NKAIN2: variants seen among roughly 807,000 people sequenced by gnomAD.
NKAIN2 encodes sodium/potassium-transporting ATPase subunit beta-1-interacting protein 2.
Under a neutral mutation model 32.6 loss-of-function variants are expected in NKAIN2, and 14 were observed. The ratio of observed to expected loss-of-function variants is 0.43; its 90% CI spans 0.28 to 0.67. The LOEUF (loss-of-function observed/expected upper bound fraction) is 0.67, where lower values mean the gene tolerates loss of function less well. NKAIN2 is among the 30% of genes least tolerant of loss of function. NKAIN2 has a pLI of 0.17. For synonymous variants in NKAIN2, 80 were observed against 87.2 expected (o/e 0.92, Z 0.46); for missense variants, 198 against 258.3 (o/e 0.77, Z 1.60).
chr6:124,329,716 C>T (rs1797574830), intron 2 of NKAIN2, among the ~76,000 whole-genome samples: 1 of 152,160 alleles, frequency 6.6e-6, no homozygotes, highest in Admixed American at 6.5e-5. Flanking sequence ...AAGTTAGCAC[C>T]TCATCTGCAT....
chr6:124,168,916 C>T (rs1049522494), intron 1 of NKAIN2, among the ~76,000 whole-genome samples: 6 of 152,074 alleles, frequency 3.9e-5, no homozygotes, highest in Non-Finnish European at 8.8e-5. Flanking sequence ...TTCATTTTAA[C>T]AATCGGAATA....
rs1019250444 is a variant in NKAIN2, at chr6:123,977,710, T to G, written c.54+173456T>G. On this transcript the variant is annotated intron_variant, in intron 1 of 6. Transcript: ENST00000368417. ...CTGAACATGTTTGCACTTCAGACAT[T>G]CTTGGGCAGTCAGAACAGGACTAAT... Among the ~76,000 whole-genome samples the G allele has an allele frequency of 2.0e-5, 3 of 152,192 alleles. No homozygotes were observed. The East Asian group carries it at 5.8e-4, about 29-fold the overall frequency.
At chr6:124,644,805 A>G (rs1784112035) in intron 3 of NKAIN2, among the ~76,000 whole-genome samples, 2 of 152,220 alleles carry the variant, frequency 1.3e-5, no homozygotes, top group African/African-American at 4.8e-5. Context: ...CAGGAATTAA[A>G]TAACCTGCTG....
At chr6:124,047,064 G>C (rs892147198) in intron 1 of NKAIN2, among the ~76,000 whole-genome samples, 2 of 151,928 alleles carry the variant, frequency 1.3e-5, no homozygotes, top group Non-Finnish European at 2.9e-5. Flanking sequence ...TAGGTTTGGG[G>C]CAAAAGGTCA....
At chr6:123,816,727 A>T (rs1221933533) in intron 1 of NKAIN2, among the ~76,000 whole-genome samples, 2 of 152,130 alleles carry the variant, frequency 1.3e-5, no homozygotes, top group African/African-American at 4.8e-5. Flanking sequence ...TTTGAGAATA[A>T]GGAGGTGGGT....
At chr6:124,774,465 T>C (rs146918026) in intron 4 of NKAIN2, among the ~76,000 whole-genome samples, 7 of 152,190 alleles carry the variant, frequency 4.6e-5, no homozygotes, top group African/African-American at 7.2e-5. Flanking sequence ...TAGAGCAGGA[T>C]TGTAGTTTGC....
intron 3 of NKAIN2, among the ~76,000 whole-genome samples, chr6:124,631,001 A>G (rs946763275): frequency 2.6e-5 from 4 of 152,220 alleles, no homozygotes; most frequent in Admixed American, 1.3e-4. Context: ...CTAGCTTTTT[A>G]AAATTTTCTA....
At chr6:124,710,131 T>C (rs1775360429) in intron 4 of NKAIN2, among the ~76,000 whole-genome samples, 1 of 151,452 alleles carries the variant, frequency 6.6e-6, no homozygotes, top group Non-Finnish European at 1.5e-5. Context: ...TTCCATGTAG[T>C]TGAGCGGTTT....
chr6:124,104,217 A>C (rs1000780499), intron 1 of NKAIN2, among the ~76,000 whole-genome samples: 1 of 152,180 alleles, frequency 6.6e-6, no homozygotes, highest in Non-Finnish European at 1.5e-5. Flanking sequence ...TCTCATCCAA[A>C]TTTATAACCT....
At chr6:124,662,077 T>C (rs781488) in intron 4 of NKAIN2, among the ~76,000 whole-genome samples, 150,992 of 152,304 alleles carry the variant, frequency 0.99, 74,855 homozygotes, top group East Asian at 1. Flanking sequence ...TAGTCTTCAA[T>C]CTGAATGCCA....
intron 3 of NKAIN2, among the ~76,000 whole-genome samples, chr6:124,374,394 G>T (rs1241402912): frequency 6.6e-6 from 1 of 152,010 alleles, no homozygotes; most frequent in Admixed American, 6.6e-5. Flanking sequence ...TGACCCCGAT[G>T]TGCTGCTCCA....
intron 1 of NKAIN2, among the ~76,000 whole-genome samples, chr6:123,975,746 A>G (rs1339477245): frequency 6.6e-6 from 1 of 152,004 alleles, no homozygotes; most frequent in Non-Finnish European, 1.5e-5. Flanking sequence ...CACCAATCCC[A>G]TTCATGAGGG....
At chr6:124,461,596 T>G (rs1397986139) in intron 3 of NKAIN2, among the ~76,000 whole-genome samples, 1 of 152,000 alleles carries the variant, frequency 6.6e-6, no homozygotes, top group Non-Finnish European at 1.5e-5. Context: ...TTACAAATTA[T>G]ATATACATAT....
chr6:124,647,496 C>CAAAAA (rs1157607122), intron 3 of NKAIN2, among the ~76,000 whole-genome samples: 18,585 of 58,836 alleles, frequency 0.32, 4,869 homozygotes, highest in Non-Finnish European at 0.39. Flanking sequence ...GAGACTCTGT[C>CAAAAA]AAAAAAAAAA....
intron 3 of NKAIN2, among the ~76,000 whole-genome samples, chr6:124,627,767 C>T (rs370602496): frequency 6.6e-6 from 1 of 152,062 alleles, no homozygotes; most frequent in African/African-American, 2.4e-5. Flanking sequence ...GCTTTAGTGC[C>T]CCATGATTTT....
At chr6:124,603,540 A>G (rs1286124656) in intron 3 of NKAIN2, among the ~76,000 whole-genome samples, 1 of 151,958 alleles carries the variant, frequency 6.6e-6, no homozygotes, top group Non-Finnish European at 1.5e-5. Flanking sequence ...TTCTTTGTCT[A>G]TATGTCAGTT....
chr6:124,100,247 G>A (rs1333910255), intron 1 of NKAIN2, among the ~76,000 whole-genome samples: 4 of 152,128 alleles, frequency 2.6e-5, no homozygotes, highest in South Asian at 2.1e-4. Flanking sequence ...TATGCAAGAC[G>A]AGTAATGAAG....
chr6:124,283,502 A>G (rs991738509), intron 2 of NKAIN2, among the ~76,000 whole-genome samples: 6 of 152,200 alleles, frequency 3.9e-5, no homozygotes, highest in African/African-American at 1.4e-4. Context: ...TATTTTATAC[A>G]TTGAATAAAG....
At position 124,561,072 on chromosome 6, in the gene NKAIN2, G is replaced by C. The variant is rs185795738; in HGVS notation, c.274-97114G>C. ...CCTCAGCAGTGCCCTCATCAGCCCT[G>C]ATGTGAGTCACTGTCTTGTTTCAGG... On this transcript the variant is annotated intron_variant, in intron 3 of 6. Coordinates refer to ENST00000368417, the MANE Select transcript of NKAIN2 (RefSeq NM_001040214.3). 2.3e-3 allele frequency among the ~76,000 whole-genome samples: 290 copies of C among 126,548 alleles called. 1 individual carries two copies. The highest frequency in any genetic ancestry group is 2.6e-3 in the Non-Finnish European group (150 of 56,862). 83.0% of individuals were successfully genotyped at this position (126,548 alleles called of 152,430 possible). A position where few individuals can be genotyped will look rare whatever the true frequency, so the allele number is the denominator to read the frequency against.
Sources: gnomAD v4.1 joint callset for allele counts (sites outside exome capture counted in the v4.1 genomes callset) on GRCh38, gnomAD v4.1.1 for gene constraint, MANE v1.5 for transcripts, NCBI Gene and HGNC (gene_info 2026-07-23, HGNC 2026-07-21) for gene names.